Variants in AGBL1 observed in about 807,000 individuals in gnomAD.
The protein encoded by AGBL1 is cytosolic carboxypeptidase 4.
In AGBL1, 130 loss-of-function variants were observed where a neutral mutation model predicts 118.9. That is an observed-to-expected ratio of 1.09 (90% CI 0.95 to 1.26). The LOEUF (loss-of-function observed/expected upper bound fraction) is 1.26, where lower values mean the gene tolerates loss of function less well. AGBL1 is among the 50% of genes most tolerant of loss of function. The probability of loss-of-function intolerance (pLI) is 0.00; values close to 1 mark genes in which losing one functional copy is unlikely to be tolerated. For synonymous variants in AGBL1, 555 were observed against 478.9 expected (o/e 1.16, Z -2.08); for missense variants, 1,584 against 1,298.1 (o/e 1.22, Z -3.38).
chr15:86,617,533 A>T (rs1029679871), intron 21 of AGBL1, among the ~76,000 whole-genome samples: 1 of 152,176 alleles, frequency 6.6e-6, no homozygotes, highest in Non-Finnish European at 1.5e-5. Flanking sequence ...ATGAGTTCTG[A>T]CAATTGGAGC....
chr15:86,585,457 G>A (rs1041689882), intron 21 of AGBL1, among the ~76,000 whole-genome samples: 4 of 152,132 alleles, frequency 2.6e-5, no homozygotes, highest in Admixed American at 1.3e-4. Context: ...GCAGTGGTGT[G>A]ATAATAGCTT....
chr15:86,928,653 G>A (rs1000173419), intron 23 of AGBL1, among the ~76,000 whole-genome samples: 7 of 152,132 alleles, frequency 4.6e-5, no homozygotes, highest in African/African-American at 7.2e-5. Flanking sequence ...CATGTTTTCT[G>A]TATGTGTATG....
At chr15:86,237,359 G>A (rs974269721) in intron 6 of AGBL1, among the ~76,000 whole-genome samples, 1 of 152,198 alleles carries the variant, frequency 6.6e-6, no homozygotes, top group African/African-American at 2.4e-5. Flanking sequence ...ACGCAGGGCA[G>A]AATTGCTTTC....
At chr15:86,328,483 A>G (rs1434934439) in intron 17 of AGBL1, among the ~76,000 whole-genome samples, 2 of 152,220 alleles carry the variant, frequency 1.3e-5, no homozygotes, top group African/African-American at 4.8e-5. Context: ...ATGGCAGATT[A>G]GAGGCTTGTA....
intron 5 of AGBL1, among the ~76,000 whole-genome samples, chr15:86,203,623 TG>T (rs1253578536): frequency 6.6e-6 from 1 of 152,226 alleles, no homozygotes; most frequent in Admixed American, 6.5e-5. Flanking sequence ...CAGCTATTTT[TG>T]GACTGTGGCT....
intron 23 of AGBL1, among the ~76,000 whole-genome samples, chr15:86,980,436 T>A (rs1275152675): frequency 6.6e-6 from 1 of 152,184 alleles, no homozygotes; most frequent in African/African-American, 2.4e-5. Context: ...GCAAAGGGGC[T>A]GCAAAATTCA....
chr15:86,274,783 C>T (rs139225957), intron 15 of AGBL1, among the ~76,000 whole-genome samples: 143 of 152,296 alleles, frequency 9.4e-4, no homozygotes, highest in African/African-American at 3.3e-3. Context: ...ATCGAGACAG[C>T]CATGCCAATC....
chr15:86,432,597 T>C (rs963469873), intron 18 of AGBL1, among the ~76,000 whole-genome samples: 4 of 152,206 alleles, frequency 2.6e-5, no homozygotes, highest in African/African-American at 9.6e-5. Flanking sequence ...GCTGGGTTTC[T>C]GTATTGTAGA....
At chr15:86,086,754 G>A (rs1895684303) in intron 1 of AGBL1, among the ~76,000 whole-genome samples, 1 of 152,098 alleles carries the variant, frequency 6.6e-6, no homozygotes, top group Non-Finnish European at 1.5e-5. Context: ...GTGCATATAA[G>A]TTGCTTAACT....
At chr15:86,215,891 T>A (rs2078179592) in intron 5 of AGBL1, among the ~76,000 whole-genome samples, 1 of 152,196 alleles carries the variant, frequency 6.6e-6, no homozygotes, top group African/African-American at 2.4e-5. Context: ...TGAAAAATGA[T>A]ACTTGTGTGA....
chr15:86,607,906 C>T (rs1488837329), intron 21 of AGBL1, among the ~76,000 whole-genome samples: 3 of 152,088 alleles, frequency 2.0e-5, no homozygotes, highest in African/African-American at 7.2e-5. Flanking sequence ...AGTGCATGGA[C>T]ATATTGTCAA....
At chr15:86,356,335 CGTGTGTGT>C (rs55955604) in intron 17 of AGBL1, among the ~76,000 whole-genome samples, 1 of 150,042 alleles carries the variant, frequency 6.7e-6, no homozygotes, top group African/African-American at 2.4e-5. Flanking sequence ...CGAAGATAGA[CGTGTGTGT>C]GTGTGTGTGT....
At chr15:86,638,202 T>C (rs1271324065) in intron 21 of AGBL1, among the ~76,000 whole-genome samples, 1 of 152,210 alleles carries the variant, frequency 6.6e-6, no homozygotes, top group Non-Finnish European at 1.5e-5. Flanking sequence ...GGTAGCCCAG[T>C]CAAGTTAAAG....
intron 24 of AGBL1, among the ~76,000 whole-genome samples, chr15:87,003,239 G>T (rs1270346862): frequency 1.3e-5 from 2 of 152,138 alleles, no homozygotes; most frequent in Admixed American, 6.5e-5. Flanking sequence ...AGGTAATTCT[G>T]TGGCTTTTGT....
rs144256474 is a variant in AGBL1, at chr15:86,970,385, T to C, written c.3222-17602T>C. On this transcript the variant is annotated intron_variant, in intron 23 of 24. Coordinates refer to the AGBL1 transcript ENST00000441037. ...TCATTTATGAATTGCCAATTGTATA[T>C]CAGGCACTTTACTATGTGCATTAAA... Among the ~76,000 whole-genome samples, 793 of 152,100 alleles carry C rather than the reference T, an allele frequency of 5.2e-3. 9 individuals are homozygous for C. The highest frequency in any genetic ancestry group is 0.018 in the African/African-American group (762 of 41,538).
intron 19 of AGBL1, 162 bp downstream of exon 19, chr15:86,523,101 C>A: frequency 1.2e-6 from 1 of 813,272 alleles, no homozygotes; most frequent in Non-Finnish European, 2.0e-6. Context: ...GGCTGCTGTA[C>A]CAAACTGCCA....
chr15:86,786,347 C>T (rs908546552), intron 22 of AGBL1, among the ~76,000 whole-genome samples: 4 of 152,028 alleles, frequency 2.6e-5, no homozygotes, highest in African/African-American at 9.7e-5. Context: ...TCTGAAAGCT[C>T]ATGACTGCCA....
chr15:86,230,043 AG>A (rs1251164111), intron 6 of AGBL1, among the ~76,000 whole-genome samples: 2 of 152,004 alleles, frequency 1.3e-5, no homozygotes, highest in African/African-American at 4.8e-5. Context: ...GAAAAGGGGG[AG>A]GGAGAGATGT....
intron 1 of AGBL1, among the ~76,000 whole-genome samples, chr15:86,108,855 G>A (rs1441197938): frequency 6.6e-6 from 1 of 152,164 alleles, no homozygotes; most frequent in East Asian, 1.9e-4. Flanking sequence ...TACTTGGGAG[G>A]CTGAGGCAGG....
Sources: allele counts gnomAD v4.1 joint callset (sites outside exome capture counted in the v4.1 genomes callset), GRCh38; gene constraint gnomAD v4.1.1; transcripts MANE v1.5; gene names NCBI Gene and HGNC (gene_info 2026-07-23, HGNC 2026-07-21).